INVS: variants seen among roughly 807,000 people sequenced by gnomAD.
INVS encodes inversin.
A neutral mutation model predicts 108.8 loss-of-function variants in INVS; 86 were observed. The ratio of observed to expected loss-of-function variants is 0.79; its 90% CI spans 0.66 to 0.95. The LOEUF (loss-of-function observed/expected upper bound fraction) is 0.95, where lower values mean the gene tolerates loss of function less well. INVS is among the 40% of genes least tolerant of loss of function. The probability of loss-of-function intolerance (pLI) is 0.00; values close to 1 mark genes in which losing one functional copy is unlikely to be tolerated. For synonymous variants in INVS, 455 were observed against 473.5 expected (o/e 0.96, Z 0.51); for missense variants, 1,169 against 1,297.4 (o/e 0.90, Z 1.52).
In INVS at chr9:100,239,972, A is replaced by AAAAG; in HGVS notation, c.616-76_616-73dup. The AAAAG allele has an allele frequency of 5.5e-6, 7 of 1,271,190 alleles. No individual in the cohort carries two copies. In the South Asian group the frequency reaches 8.4e-5, roughly 15 times the overall value. The allele number at this position is 1,271,190 out of a possible 1,614,324, so 78.7% of individuals were successfully genotyped here. ...TGACAGAACAAGACCCTGTCTCTAAAAAAGAAAGAAAGAAAAAAATACTTA... is the reference window on the plus strand; with the variant it reads ...TGACAGAACAAGACCCTGTCTCTAAAAAAGAAAGAAAGAAAGAAAAAAATACTTA... On this transcript the variant is annotated intron_variant, in intron 5 of 16. Transcript: ENST00000262457.
intron 3 of INVS, among the ~76,000 whole-genome samples, chr9:100,134,616 T>A (rs1828165966): frequency 6.6e-6 from 1 of 151,322 alleles, no homozygotes; most frequent in Admixed American, 6.6e-5. Context: ...ACTGTTTTTT[T>A]ATTCTTTGAT....
intron 3 of INVS, among the ~76,000 whole-genome samples, chr9:100,140,266 G>C (rs532936267): frequency 6.6e-6 from 1 of 152,324 alleles, no homozygotes; most frequent in East Asian, 1.9e-4. Context: ...CAGGCGGGCT[G>C]AGTCTGAAAA....
intron 3 of INVS, among the ~76,000 whole-genome samples, chr9:100,143,743 G>A (rs942283228): frequency 2.7e-5 from 4 of 149,670 alleles, no homozygotes; most frequent in Non-Finnish European, 5.9e-5. Flanking sequence ...ACCAGAGTTG[G>A]GGAGTTTTAA....
At chr9:100,147,479 T>C (rs2118969944) in intron 3 of INVS, among the ~76,000 whole-genome samples, 1 of 152,356 alleles carries the variant, frequency 6.6e-6, no homozygotes, top group South Asian at 2.1e-4. Context: ...TTTTCTCACC[T>C]ATTGCCTCAT....
chr9:100,296,935 C>T lies in INVS; in HGVS notation c.2805C>T (p.His935=), dbSNP rs1265354401. ...RAWRSYQLRK[H]LSHLRHMKQL... ...CAACCAGCTACCAGCTCAGGAAGCA[C>T]CTGTCCCACCTTCGGCATATGAAGC... The change falls in exon 15 of 17, where the codon CAC becomes CAT. Residue 935 remains histidine (H), a synonymous_variant. Transcript: ENST00000262457. 2 of 1,614,078 alleles carry T rather than the reference C, an allele frequency of 1.2e-6. No homozygotes were observed. Among genetic ancestry groups the T allele is most frequent in the South Asian group, 2.2e-5 (2 of 91,068 alleles).
chr9:100,298,448 C>T, intron 16 of INVS: 1 of 477,090 alleles, frequency 2.1e-6, no homozygotes, highest in Non-Finnish European at 2.7e-6. Context: ...TGCTTTCCCT[C>T]ATACAGGAGA....
chr9:100,240,349 TCTAA>T, intron 6 of INVS, 109 bp downstream of exon 6: 1 of 777,776 alleles, frequency 1.3e-6, no homozygotes, highest in Non-Finnish European at 2.2e-6. Flanking sequence ...TATTTTGATT[TCTAA>T]CTGATATGTT....
At chr9:100,149,104 T>A (rs1280336124) in intron 3 of INVS, among the ~76,000 whole-genome samples, 1 of 152,154 alleles carries the variant, frequency 6.6e-6, no homozygotes, top group Non-Finnish European at 1.5e-5. Flanking sequence ...CTTTAGTTAG[T>A]TAAACATTTT....
intron 15 of INVS, 91 bp from the exon 16 acceptor site, chr9:100,297,845 T>G: frequency 7.6e-7 from 1 of 1,307,870 alleles, no homozygotes; most frequent in Non-Finnish European, 1.1e-6. Context: ...ACCTGCAAGC[T>G]CAAGCCTTTA....
In INVS at chr9:100,302,036, C is replaced by CCAAA; in HGVS notation, c.*1365_*1368dup. The CCAAA allele has an allele frequency of 2.0e-6, 1 of 507,538 alleles. No individual in the cohort carries two copies. 31.4% of individuals were successfully genotyped at this position (507,538 alleles called of 1,614,324 possible). On this transcript the variant is annotated 3_prime_UTR_variant, in exon 17 of 17. Transcript: ENST00000262457. ...CCAGCCTACACATCAATAGGAACGC[C>CCAAA]CAAACATTATTTTCATATATCAGTG... is the stretch of plus-strand genomic sequence containing the variant.
chr9:100,223,102 A>T (rs1831202744), intron 3 of INVS, among the ~76,000 whole-genome samples: 1 of 147,824 alleles, frequency 6.8e-6, no homozygotes, highest in Admixed American at 6.7e-5. Flanking sequence ...TTTATTTTTA[A>T]TTTTTTTTTT....
At chr9:100,210,647 G>A (rs952706541) in intron 3 of INVS, among the ~76,000 whole-genome samples, 2 of 152,058 alleles carry the variant, frequency 1.3e-5, no homozygotes, top group African/African-American at 4.8e-5. Flanking sequence ...TATCCTTTTT[G>A]TGCATTTACC....
intron 8 of INVS, among the ~76,000 whole-genome samples, chr9:100,248,473 GT>G (rs774955409): frequency 3.9e-4 from 56 of 144,576 alleles, no homozygotes; most frequent in African/African-American, 4.0e-4. Flanking sequence ...CCTCTACAGG[GT>G]TTTTTTTTTT....
At chr9:100,233,604 C>A (rs1385168578) in intron 5 of INVS, among the ~76,000 whole-genome samples, 1 of 152,054 alleles carries the variant, frequency 6.6e-6, no homozygotes, top group African/African-American at 2.4e-5. Context: ...TATCAAAGGC[C>A]TTTTCTGCAT....
chr9:100,237,330 G>A (rs1203193132), intron 5 of INVS, among the ~76,000 whole-genome samples: 1 of 152,080 alleles, frequency 6.6e-6, no homozygotes, highest in Non-Finnish European at 1.5e-5. Context: ...AAACCACTTG[G>A]CTCCCTGGCT....
In INVS at chr9:100,301,181, A is replaced by G. The variant is rs929700775; in HGVS notation, c.*507A>G. Among the ~76,000 whole-genome samples the G allele has an allele frequency of 2.1e-5, 1 of 47,596 alleles. No individual in the cohort carries two copies. Among genetic ancestry groups the G allele is most frequent in the South Asian group, 2.1e-3 (1 of 486 alleles). 31.2% of individuals were successfully genotyped at this position (47,596 alleles called of 152,430 possible). On this transcript the variant is annotated 3_prime_UTR_variant, in exon 17 of 17. Transcript: ENST00000262457. The stretch of plus-strand genomic sequence containing the variant: ...CACACACACACACACACACACACAT[A>G]TCACGTCCCACTATTACTTCAAAAT...
At chr9:100,200,391 G>T (rs1371314076) in intron 3 of INVS, among the ~76,000 whole-genome samples, 1 of 152,140 alleles carries the variant, frequency 6.6e-6, no homozygotes, top group African/African-American at 2.4e-5. Flanking sequence ...ATGATACCTT[G>T]TAGGGACTCT....
chr9:100,295,907 A>C (rs533261223), intron 14 of INVS, among the ~76,000 whole-genome samples: 37 of 152,284 alleles, frequency 2.4e-4, no homozygotes, highest in African/African-American at 7.0e-4. Context: ...GTAGTGCCAT[A>C]CTTTTCTCTA....
intron 1 of INVS, among the ~76,000 whole-genome samples, chr9:100,100,968 A>AT (rs1439418327): frequency 2.8e-5 from 2 of 70,568 alleles, no homozygotes; most frequent in African/African-American, 1.5e-4. Context: ...TATATATAAT[A>AT]TATATTATAT....
Sources: gnomAD v4.1 joint callset for allele counts (sites outside exome capture counted in the v4.1 genomes callset) on GRCh38, gnomAD v4.1.1 for gene constraint, MANE v1.5 for transcripts, NCBI Gene and HGNC (gene_info 2026-07-23, HGNC 2026-07-21) for gene names.